The following LCA5 variants were observed in gnomAD, a reference collection of about 807,000 sequenced individuals.
LCA5 encodes lebercilin LCA5.
A neutral mutation model predicts 53.0 loss-of-function variants in LCA5; 37 were observed. That is an observed-to-expected ratio of 0.70 (90% CI 0.54 to 0.92). LCA5 has a LOEUF of 0.92. Ranked by LOEUF, LCA5 falls within the 40% of genes least tolerant of loss-of-function variation. The pLI, the probability that LCA5 is intolerant of heterozygous loss-of-function variation, is 0.00. For synonymous variants in LCA5, 303 were observed against 282.9 expected (o/e 1.07, Z -0.71); for missense variants, 806 against 790.5 (o/e 1.02, Z -0.23).
chr6:79,518,803 T>A lies in LCA5; in HGVS notation c.92A>T (p.Gln31Leu). ...YSYLSDFETP[Q>L]SSGRSSLVSS... is the part of the protein sequence containing the mutation. ...GACCAGCGATGATCGGCCAGAAGAC[T>A]GTGGCGTTTCAAAATCAGATAAGTA... The change falls in exon 2 of 8, where the codon CAG becomes CTG. Residue 31 changes from glutamine to leucine, a missense_variant. Transcript: ENST00000369846. The A allele has an allele frequency of 1.2e-6, 2 of 1,614,128 alleles. No homozygotes were observed. The highest frequency in any genetic ancestry group is 1.7e-6 in the Non-Finnish European group (2 of 1,179,998).
At chr6:79,495,801 C>T (rs1377333375) in intron 3 of LCA5, among the ~76,000 whole-genome samples, 1 of 150,304 alleles carries the variant, frequency 6.7e-6, no homozygotes, top group African/African-American at 2.4e-5. Context: ...GTTTCACACA[C>T]TGCAAATACT....
intron 1 of LCA5, among the ~76,000 whole-genome samples, chr6:79,529,728 G>A (rs1484069863): frequency 6.6e-6 from 1 of 151,968 alleles, no homozygotes; most frequent in African/African-American, 2.4e-5. Context: ...TGATAGACTG[G>A]ATTAAGAAAA....
At chr6:79,534,945 G>A (rs1405109543) in intron 1 of LCA5, among the ~76,000 whole-genome samples, 9 of 152,110 alleles carry the variant, frequency 5.9e-5, no homozygotes, top group East Asian at 3.9e-4. Flanking sequence ...TGGCATATGC[G>A]GCAAGTGTAA....
rs201774475 is a variant in LCA5, at chr6:79,486,999, G to C, written c.*5C>G. ...ACAATTAGAAAAAATGTATACTCTA[G>C]TCAGTCATCTCAGTGCTACTTCTTC... On this transcript the variant is annotated 3_prime_UTR_variant, in exon 8 of 8. Transcript: ENST00000369846. 39 of 1,608,840 alleles carry C rather than the reference G, an allele frequency of 2.4e-5. No homozygotes were observed. The highest frequency in any genetic ancestry group is 3.2e-5 in the Non-Finnish European group (38 of 1,176,656).
At chr6:79,517,583 A>G (rs1303768269) in intron 2 of LCA5, among the ~76,000 whole-genome samples, 1 of 152,128 alleles carries the variant, frequency 6.6e-6, no homozygotes, top group African/African-American at 2.4e-5. Context: ...TAACAACAAC[A>G]ACAAAGCATT....
At chr6:79,522,343 T>C in intron 1 of LCA5, among the ~76,000 whole-genome samples, 1 of 152,120 alleles carries the variant, frequency 6.6e-6, no homozygotes, top group Non-Finnish European at 1.5e-5. Context: ...CCAGACACCA[T>C]GTCTCTGATA....
At chr6:79,506,231 A>G (rs1770269185) in intron 3 of LCA5, among the ~76,000 whole-genome samples, 1 of 152,190 alleles carries the variant, frequency 6.6e-6, no homozygotes, top group South Asian at 2.1e-4. Context: ...TAACAAAGTA[A>G]TTCACTCTGT....
At chr6:79,500,288 C>G (rs1283743540) in intron 3 of LCA5, among the ~76,000 whole-genome samples, 1 of 152,078 alleles carries the variant, frequency 6.6e-6, no homozygotes, top group African/African-American at 2.4e-5. Context: ...AAATACTTAA[C>G]ATTTTTTCCA....
intron 1 of LCA5, among the ~76,000 whole-genome samples, chr6:79,523,752 T>C (rs1368888785): frequency 6.6e-6 from 1 of 152,212 alleles, no homozygotes; most frequent in Admixed American, 6.5e-5. Context: ...ACCAACTTTC[T>C]ATGGCAAAGG....
chr6:79,519,003 T>C lies in LCA5; in HGVS notation c.-109A>G. On this transcript the variant is annotated 5_prime_UTR_variant, in exon 2 of 8. Transcript: ENST00000369846. ...CACAGTCTTCAGATCCTGATAATATTCATTTCTGTGCAATCTATTTTCTCC... is the reference window on the plus strand; with the variant it reads ...CACAGTCTTCAGATCCTGATAATATCCATTTCTGTGCAATCTATTTTCTCC... 1 of 1,053,060 alleles carries C rather than the reference T, an allele frequency of 9.5e-7. No individual in the cohort carries two copies. The highest frequency in any genetic ancestry group is 2.7e-4 in the Middle Eastern group (1 of 3,654). 65.2% of individuals were successfully genotyped at this position (1,053,060 alleles called of 1,614,324 possible).
chr6:79,509,984 T>G (rs1028824571), intron 3 of LCA5, among the ~76,000 whole-genome samples: 5 of 152,202 alleles, frequency 3.3e-5, no homozygotes, highest in Non-Finnish European at 5.9e-5. Context: ...TGTTTGTAGA[T>G]GTAGACAAGC....
intron 1 of LCA5, among the ~76,000 whole-genome samples, chr6:79,523,242 G>A (rs1282412429): frequency 6.6e-6 from 1 of 151,912 alleles, no homozygotes; most frequent in African/African-American, 2.4e-5. Context: ...CAATTCCTAT[G>A]GCAAGTACTA....
intron 3 of LCA5, among the ~76,000 whole-genome samples, chr6:79,505,986 G>A (rs867501606): frequency 1.6e-4 from 25 of 151,996 alleles, no homozygotes; most frequent in African/African-American, 5.6e-4. Context: ...TTTTGAAAGT[G>A]GTTTACATGG....
intron 3 of LCA5, among the ~76,000 whole-genome samples, chr6:79,506,400 T>A (rs984949294): frequency 6.6e-6 from 1 of 152,220 alleles, no homozygotes; most frequent in Non-Finnish European, 1.5e-5. Flanking sequence ...TGGTTTCTTA[T>A]GATAGTTACC....
At chr6:79,521,313 A>C (rs1562110496) in intron 1 of LCA5, among the ~76,000 whole-genome samples, 2 of 152,230 alleles carry the variant, frequency 1.3e-5, no homozygotes, top group Admixed American at 6.5e-5. Flanking sequence ...AATTAGATAA[A>C]TCAATCTACA....
In LCA5 at chr6:79,493,737, T is replaced by A. The variant is rs1769905242; in HGVS notation, c.734A>T (p.Asn245Ile). ...TERRIKELSK[N>I]LELSTNSFQR... Reference sequence around the variant, plus strand: ...GAAACTGTTAGTACTCAGTTCAAGGTTTTTCGATAGCTCCTATATGTATAA... The same window carrying A: ...GAAACTGTTAGTACTCAGTTCAAGGATTTTCGATAGCTCCTATATGTATAA... The change falls in exon 4 of 8, where the codon AAC (asparagine) becomes ATC (isoleucine). Residue 245 changes from asparagine (N) to isoleucine (I), a missense_variant. Coordinates refer to ENST00000369846, the MANE Select transcript of LCA5 (RefSeq NM_001122769.3). 2 of 1,612,760 alleles carry A rather than the reference T, an allele frequency of 1.2e-6. No individual in the cohort carries two copies. The highest frequency in any genetic ancestry group is 1.7e-6 in the Non-Finnish European group (2 of 1,179,284).
At chr6:79,488,615 G>T (rs1452052809) in intron 7 of LCA5, 1 of 184,138 alleles carries the variant, frequency 5.4e-6, no homozygotes, top group East Asian at 1.5e-4. Context: ...TTAGAATACA[G>T]TCTAAGAGAA....
In LCA5 at chr6:79,492,648, C is replaced by T; in HGVS notation, c.859-1G>A. 6.8e-7 allele frequency: 1 copy of T among 1,468,580 alleles called. No homozygotes were observed. Among genetic ancestry groups the T allele is most frequent in the South Asian group, 1.2e-5 (1 of 83,708 alleles). 91.0% of individuals were successfully genotyped at this position (1,468,580 alleles called of 1,614,324 possible). On this transcript the variant is annotated splice_acceptor_variant, in intron 4 of 7. Transcript: ENST00000369846. LOFTEE classifies it high-confidence loss of function. ...TTATATCCAGTTCTCTCTCCTTTTC[C>T]TGAAAACAAACGCAATACAATTAAG...
chr6:79,502,319 A>C (rs1205725987), intron 3 of LCA5, among the ~76,000 whole-genome samples: 1 of 152,208 alleles, frequency 6.6e-6, no homozygotes, highest in African/African-American at 2.4e-5. Flanking sequence ...GAGCAGGACA[A>C]GACAGAGGCA....
Sources: allele counts gnomAD v4.1 joint callset (sites outside exome capture counted in the v4.1 genomes callset), GRCh38; gene constraint gnomAD v4.1.1; transcripts MANE v1.5; gene names NCBI Gene and HGNC (gene_info 2026-07-23, HGNC 2026-07-21).